Variants in NTSR1 observed in about 807,000 individuals in gnomAD.
NTSR1 encodes neurotensin receptor 1.
A neutral mutation model predicts 31.2 loss-of-function variants in NTSR1; 29 were observed. The ratio of observed to expected loss-of-function variants is 0.93; its 90% CI spans 0.69 to 1.27. The LOEUF is 1.27. Among genes scored for constraint, NTSR1 ranks in the 50% most tolerant of loss-of-function variants. The pLI, the probability that NTSR1 is intolerant of heterozygous loss-of-function variation, is 0.00. For missense variants in NTSR1, 697 were observed against 595.4 expected (o/e 1.17, Z -1.78); for synonymous variants, 282 against 269.9 (o/e 1.04, Z -0.44).
intron 1 of NTSR1, among the ~76,000 whole-genome samples, chr20:62,734,718 G>C (rs1397814228): frequency 6.7e-6 from 1 of 148,264 alleles, no homozygotes; most frequent in Non-Finnish European, 1.5e-5. Context: ...CCTGAAATCC[G>C]CACCGGGTTT....
intron 1 of NTSR1, among the ~76,000 whole-genome samples, chr20:62,728,723 G>A (rs547353800): frequency 2.5e-4 from 38 of 152,250 alleles, no homozygotes; most frequent in African/African-American, 7.5e-4. Context: ...GCCAACACCC[G>A]GAGGCCAAGC....
chr20:62,710,366 A>G (rs899887393), intron 1 of NTSR1, among the ~76,000 whole-genome samples: 4 of 152,196 alleles, frequency 2.6e-5, no homozygotes, highest in Non-Finnish European at 5.9e-5. Flanking sequence ...CTTGGGAGTC[A>G]GAACAGAACC....
Position 62,758,385 on chromosome 20 carries a change from G to A in NTSR1, c.1007+29G>A. On this transcript the variant is annotated intron_variant, in intron 3 of 3. Transcript: ENST00000370501. The surrounding 1 kb of genome is among the most constrained non-coding windows in gnomAD (Gnocchi z 4.5). The stretch of plus-strand genomic sequence containing the variant: ...AGTACCGGGAACCAGGAAGTTGGGT[G>A]CTGGACAAGTAAGTGCTCCCAAAAC... 6.3e-7 allele frequency: 1 copy of A among 1,596,812 alleles called. No homozygotes were observed. The highest frequency in any genetic ancestry group is 1.3e-5 in the African/African-American group (1 of 74,730).
intron 1 of NTSR1, among the ~76,000 whole-genome samples, chr20:62,738,221 G>T (rs1025381193): frequency 6.6e-6 from 1 of 152,222 alleles, no homozygotes; most frequent in African/African-American, 2.4e-5. Context: ...CCAGGTGCAC[G>T]CAGAGGGTGA....
chr20:62,716,961 G>A (rs1988739512), intron 1 of NTSR1, among the ~76,000 whole-genome samples: 2 of 152,358 alleles, frequency 1.3e-5, no homozygotes, highest in South Asian at 2.1e-4. Flanking sequence ...CCTTGCCATC[G>A]CCAGTGAAGG....
At chr20:62,721,623 C>T (rs530723906) in intron 1 of NTSR1, among the ~76,000 whole-genome samples, 10 of 152,286 alleles carry the variant, frequency 6.6e-5, no homozygotes, top group East Asian at 1.9e-4. Context: ...TATATCACAG[C>T]GGTTTTCAAG....
chr20:62,724,281 A>G (rs1988869656), intron 1 of NTSR1, among the ~76,000 whole-genome samples: 1 of 152,206 alleles, frequency 6.6e-6, no homozygotes, highest in Non-Finnish European at 1.5e-5. Context: ...AGAGGCCCAG[A>G]CGGTTAGGGA....
rs779443873 is a variant in NTSR1 at position 62,760,310 on chromosome 20, G to T, written c.*43G>T. ...GTGTCCAGGAGGAGCCTGGCCATGG[G>T]TCCTTGCCCCCGACAGACAGAGCAG... On this transcript the variant is annotated 3_prime_UTR_variant, in exon 4 of 4. Transcript: ENST00000370501. 1.9e-6 allele frequency: 3 copies of T among 1,561,218 alleles called. No individual in the cohort carries two copies. The East Asian group carries it at 6.8e-5, about 35-fold the overall frequency.
At position 62,728,612 on chromosome 20, in the gene NTSR1, G is replaced by A. The variant is rs190887264; in HGVS notation, c.714+18691G>A. 6.5e-3 allele frequency among the ~76,000 whole-genome samples: 988 copies of A among 152,344 alleles called. 7 individuals carry two copies. Among genetic ancestry groups the A allele is most frequent in the Non-Finnish European group, 0.011 (743 of 68,030 alleles). ...CTCTGCCTGCCGGAGGCTGGGCCAC[G>A]GTGTCTGCGGAAGACGCTGTGTGCA... is the stretch of plus-strand genomic sequence containing the variant. On this transcript the variant is annotated intron_variant, in intron 1 of 3. Transcript: ENST00000370501.
At chr20:62,755,692 T>C (rs1989494755) in intron 2 of NTSR1, among the ~76,000 whole-genome samples, 1 of 2,602 alleles carries the variant, frequency 3.8e-4, no homozygotes, top group Non-Finnish European at 6.7e-4. Flanking sequence ...CCTCCCTCCC[T>C]CCATCATCCC....
intron 1 of NTSR1, among the ~76,000 whole-genome samples, chr20:62,728,251 G>C (rs1988943145): frequency 6.6e-6 from 1 of 152,170 alleles, no homozygotes. Flanking sequence ...GAGGGAGATG[G>C]GTACCTTGGG....
At chr20:62,756,447 G>A (rs2147149694) in intron 2 of NTSR1, among the ~76,000 whole-genome samples, 1 of 152,390 alleles carries the variant, frequency 6.6e-6, no homozygotes, top group Non-Finnish European at 1.5e-5. Context: ...TGAGACCCAG[G>A]TCTTCAGTTT....
In NTSR1 at chr20:62,762,106, C is replaced by T. The variant is rs2427443; in HGVS notation, c.*1839C>T. The T allele has an allele frequency of 0.69, 104,427 of 152,246 alleles. 41,995 individuals carry two copies. The highest frequency in any genetic ancestry group is 0.9 in the East Asian group (4,655 of 5,178). 9.4% of individuals were successfully genotyped at this position (152,246 alleles called of 1,614,324 possible). A position where few individuals can be genotyped will look rare whatever the true frequency, so the allele number is the denominator to read the frequency against. ...TGTCCAGAGGTCAGTGCAGCCCCTA[C>T]CCCTGCTCAGGAGTGGGCTCAGAGT... On this transcript the variant is annotated 3_prime_UTR_variant, in exon 4 of 4. Coordinates refer to ENST00000370501, the MANE Select transcript of NTSR1 (RefSeq NM_002531.3).
rs981280527 is a variant in NTSR1 at position 62,741,223 on chromosome 20, T to C, written c.715-13462T>C. Among the ~76,000 whole-genome samples the C allele has an allele frequency of 1.1e-4, 17 of 152,312 alleles. No homozygotes were observed. Among genetic ancestry groups the C allele is most frequent in the African/African-American group, 4.1e-4 (17 of 41,584 alleles). On this transcript the variant is annotated intron_variant, in intron 1 of 3. Coordinates refer to ENST00000370501, the MANE Select transcript of NTSR1 (RefSeq NM_002531.3). This position sits in a 1 kb window ranked among gnomAD's most constrained non-coding sequence, Gnocchi z 4.3. Reference sequence around the variant, plus strand: ...AGGGGTCTCCCGGCAGCCAGGCTGCTGCCAGTCCCGCAGCTCAGCCGGGCA... The same window carrying C: ...AGGGGTCTCCCGGCAGCCAGGCTGCCGCCAGTCCCGCAGCTCAGCCGGGCA...
intron 1 of NTSR1, among the ~76,000 whole-genome samples, chr20:62,718,618 A>G (rs892740506): frequency 1.5e-4 from 22 of 148,122 alleles, no homozygotes; most frequent in Non-Finnish European, 3.0e-4. Context: ...CGTCGAGTGA[A>G]TGGAGCCAGC....
intron 1 of NTSR1, among the ~76,000 whole-genome samples, chr20:62,737,958 C>G (rs965517629): frequency 2.4e-5 from 2 of 83,494 alleles, no homozygotes; most frequent in Non-Finnish European, 4.1e-5. Context: ...GTAAAGCTCC[C>G]TCCTCTGGAA....
In NTSR1 at chr20:62,742,636, G is replaced by A. The variant is rs1488444207; in HGVS notation, c.715-12049G>A. Among the ~76,000 whole-genome samples, 1 of 149,472 alleles carries A rather than the reference G, an allele frequency of 6.7e-6. No homozygotes were observed. Among genetic ancestry groups the A allele is most frequent in the African/African-American group, 2.5e-5 (1 of 39,990 alleles). Reference sequence around the variant, plus strand: ...TGTTTACACAGGGCCCTAGGTCTCAGGTGTCCTGTGGGTGGCCGCTGCTTT... The same window carrying A: ...TGTTTACACAGGGCCCTAGGTCTCAAGTGTCCTGTGGGTGGCCGCTGCTTT... On this transcript the variant is annotated intron_variant, in intron 1 of 3. Transcript: ENST00000370501. The surrounding 1 kb of genome is among the most constrained non-coding windows in gnomAD (Gnocchi z 7.1).
intron 1 of NTSR1, among the ~76,000 whole-genome samples, chr20:62,725,524 G>C (rs1365213637): frequency 6.6e-6 from 1 of 152,214 alleles, no homozygotes; most frequent in Non-Finnish European, 1.5e-5. Flanking sequence ...GGGATAAGGT[G>C]GAAAGAGGTC....
At chr20:62,713,312 C>G (rs1321487710) in intron 1 of NTSR1, among the ~76,000 whole-genome samples, 1 of 152,230 alleles carries the variant, frequency 6.6e-6, no homozygotes, top group Non-Finnish European at 1.5e-5. Flanking sequence ...GCACCTGCTC[C>G]CTCCCAGGGG....
Sources: gnomAD v4.1 joint callset for allele counts (sites outside exome capture counted in the v4.1 genomes callset) on GRCh38, gnomAD v4.1.1 for gene constraint, Gnocchi (gnomAD v3.1) non-coding constraint, MANE v1.5 for transcripts, NCBI Gene and HGNC (gene_info 2026-07-23, HGNC 2026-07-21) for gene names.